The following PCSK5 variants were observed in gnomAD, a reference collection of about 807,000 sequenced individuals.
The protein encoded by PCSK5 is proprotein convertase subtilisin/kexin type 5.
In PCSK5, 129 loss-of-function variants were observed where a neutral mutation model predicts 233.2. The observed-to-expected ratio is 0.55, with a 90% CI of 0.48 to 0.64. PCSK5 has a LOEUF of 0.64. PCSK5 is among the 30% of genes least tolerant of loss of function. The pLI is 0.00. For missense variants in PCSK5, 2,076 were observed against 2,430.1 expected (o/e 0.85, Z 3.06); for synonymous variants, 825 against 879.2 (o/e 0.94, Z 1.09).
intron 1 of PCSK5, among the ~76,000 whole-genome samples, chr9:75,908,401 T>C (rs1822503919): frequency 6.6e-6 from 1 of 152,230 alleles, no homozygotes; most frequent in Non-Finnish European, 1.5e-5. Flanking sequence ...TTCCTCACAA[T>C]TGTGATGGGC....
chr9:76,058,529 C>A (rs1451934518), intron 5 of PCSK5, among the ~76,000 whole-genome samples: 1 of 152,100 alleles, frequency 6.6e-6, no homozygotes, highest in Non-Finnish European at 1.5e-5. Flanking sequence ...ATTCCTATTA[C>A]CCGTACAGCC....
At chr9:76,131,793 A>G (rs1052707754) in intron 9 of PCSK5, among the ~76,000 whole-genome samples, 2 of 152,160 alleles carry the variant, frequency 1.3e-5, no homozygotes, top group Non-Finnish European at 2.9e-5. Context: ...GTGACAGGTA[A>G]CATGAGACAT....
intron 5 of PCSK5, among the ~76,000 whole-genome samples, chr9:76,065,627 C>T (rs1434983830): frequency 6.6e-6 from 1 of 152,216 alleles, no homozygotes; most frequent in Non-Finnish European, 1.5e-5. Flanking sequence ...TTAATTGATT[C>T]CTTTGCTTTG....
chr9:76,338,632 G>A (rs1587350644), intron 35 of PCSK5, among the ~76,000 whole-genome samples, 185 bp downstream of exon 35: 3 of 151,790 alleles, frequency 2.0e-5, no homozygotes, highest in African/African-American at 7.3e-5. Flanking sequence ...CTCTAACCTG[G>A]GCTGCTCCTG....
At chr9:76,036,322 G>A (rs1204496830) in intron 5 of PCSK5, among the ~76,000 whole-genome samples, 1 of 152,158 alleles carries the variant, frequency 6.6e-6, no homozygotes, top group Non-Finnish European at 1.5e-5. Flanking sequence ...ATAACACTGG[G>A]TCTGTAGGCT....
chr9:76,195,042 G>GTAAA, intron 20 of PCSK5: 1 of 169,916 alleles, frequency 5.9e-6, no homozygotes, highest in African/African-American at 2.4e-5. Flanking sequence ...TGAATAATAA[G>GTAAA]TAAATAGTCT....
chr9:76,117,510 G>A (rs1326820469), intron 9 of PCSK5, among the ~76,000 whole-genome samples: 4 of 152,096 alleles, frequency 2.6e-5, no homozygotes, highest in African/African-American at 9.7e-5. Context: ...CTTACACTTG[G>A]TTTTTGTGAG....
intron 5 of PCSK5, among the ~76,000 whole-genome samples, chr9:76,060,270 T>A: frequency 6.6e-6 from 1 of 152,316 alleles, no homozygotes; most frequent in East Asian, 1.9e-4. Flanking sequence ...GGAAGCCTTA[T>A]TAATAAAAAT....
chr9:76,139,659 A>G (rs151290442), intron 10 of PCSK5, among the ~76,000 whole-genome samples: 31 of 152,100 alleles, frequency 2.0e-4, no homozygotes, highest in African/African-American at 5.5e-4. Flanking sequence ...TTAAGATTCT[A>G]TGTTTTCTAC....
chr9:76,197,522 T>C (rs770407706), intron 20 of PCSK5, among the ~76,000 whole-genome samples: 1 of 152,152 alleles, frequency 6.6e-6, no homozygotes, highest in Non-Finnish European at 1.5e-5. Flanking sequence ...ATACATAACA[T>C]CTTATCCCCC....
intron 20 of PCSK5, among the ~76,000 whole-genome samples, chr9:76,190,983 CCT>C (rs1824348231): frequency 6.6e-6 from 1 of 152,162 alleles, no homozygotes; most frequent in Non-Finnish European, 1.5e-5. Context: ...AGTTTCCTCA[CCT>C]CTCTAGCCTC....
At chr9:76,344,003 A>C (rs942536263) in intron 35 of PCSK5, among the ~76,000 whole-genome samples, 1 of 152,170 alleles carries the variant, frequency 6.6e-6, no homozygotes, top group African/African-American at 2.4e-5. Flanking sequence ...AAATATTATC[A>C]TTTGAACATG....
At chr9:76,266,288 G>T (rs939430424) in intron 24 of PCSK5, among the ~76,000 whole-genome samples, 1 of 152,124 alleles carries the variant, frequency 6.6e-6, no homozygotes, top group Non-Finnish European at 1.5e-5. Flanking sequence ...AAAGCTGTCA[G>T]CTAAACAGCT....
chr9:75,978,074 AC>A (rs1426793563), intron 2 of PCSK5, among the ~76,000 whole-genome samples: 2 of 152,204 alleles, frequency 1.3e-5, no homozygotes, highest in Non-Finnish European at 2.9e-5. Context: ...TTGTTGAAAT[AC>A]GAAACATTTT....
intron 33 of PCSK5, among the ~76,000 whole-genome samples, chr9:76,331,622 G>C (rs1038454029): frequency 2.0e-5 from 3 of 150,082 alleles, no homozygotes; most frequent in African/African-American, 7.4e-5. Context: ...AGCCAAGATT[G>C]TGCCACTGCA....
At chr9:75,956,031 G>A (rs1267761301) in intron 2 of PCSK5, among the ~76,000 whole-genome samples, 2 of 152,128 alleles carry the variant, frequency 1.3e-5, no homozygotes, top group Non-Finnish European at 1.5e-5. Flanking sequence ...CAGCTAAAGC[G>A]TCCAGGCTGT....
intron 34 of PCSK5, among the ~76,000 whole-genome samples, chr9:76,337,216 C>G (rs1353347911): frequency 6.9e-6 from 1 of 145,196 alleles, no homozygotes; most frequent in African/African-American, 2.5e-5. Context: ...ACTCTGTCAC[C>G]CAGGCTAGAG....
chr9:75,971,547 C>A (rs1340382109), intron 2 of PCSK5, among the ~76,000 whole-genome samples: 2 of 152,200 alleles, frequency 1.3e-5, no homozygotes, highest in African/African-American at 4.8e-5. Context: ...TACATTCCCA[C>A]CAACACTGCA....
At chr9:76,061,564 A>G (rs1002605614) in intron 5 of PCSK5, among the ~76,000 whole-genome samples, 1 of 152,182 alleles carries the variant, frequency 6.6e-6, no homozygotes, top group African/African-American at 2.4e-5. Flanking sequence ...ACTTACGAAG[A>G]CTAATGAAGG....
Sources: allele counts gnomAD v4.1 joint callset (sites outside exome capture counted in the v4.1 genomes callset), GRCh38; gene constraint gnomAD v4.1.1; transcripts MANE v1.5; gene names NCBI Gene and HGNC (gene_info 2026-07-23, HGNC 2026-07-21).